Variants in GUCY1A2 observed in about 807,000 individuals in gnomAD.
GUCY1A2 encodes the protein guanylate cyclase 1 soluble subunit alpha 2.
GUCY1A2 carries 27 observed loss-of-function variants against 63.5 expected under a neutral mutation model. The ratio of observed to expected loss-of-function variants is 0.43; its 90% CI spans 0.31 to 0.59. The LOEUF is 0.59. GUCY1A2 is among the 20% of genes least tolerant of loss of function. The probability of loss-of-function intolerance (pLI) is 0.11; values close to 1 mark genes in which losing one functional copy is unlikely to be tolerated. For synonymous variants in GUCY1A2, 364 were observed against 343.5 expected (o/e 1.06, Z -0.66); for missense variants, 768 against 913.3 (o/e 0.84, Z 2.05).
Position 106,760,892 on chromosome 11 carries a change from T to A in GUCY1A2, c.1836+15547A>T, listed in dbSNP as rs532647280. Among the ~76,000 whole-genome samples the A allele has an allele frequency of 6.6e-5, 10 of 152,188 alleles. 1 individual carries two copies. Among genetic ancestry groups the A allele is most frequent in the African/African-American group, 2.4e-4 (10 of 41,554 alleles). On this transcript the variant is annotated intron_variant, in intron 6 of 7. Coordinates refer to ENST00000526355, the MANE Select transcript of GUCY1A2 (RefSeq NM_000855.3). The stretch of plus-strand genomic sequence containing the variant: ...AGGAAGACAGGAACTGAGGAAAGAA[T>A]TAATAGTTTTAAAAGATTAAAAAGG...
intron 3 of GUCY1A2, among the ~76,000 whole-genome samples, chr11:106,966,516 T>C (rs1168656781): frequency 6.6e-6 from 1 of 152,218 alleles, no homozygotes; most frequent in African/African-American, 2.4e-5. Flanking sequence ...TTCTCCCTGA[T>C]GATCACCAGT....
At chr11:106,797,116 T>G (rs1240685083) in intron 5 of GUCY1A2, among the ~76,000 whole-genome samples, 1 of 152,194 alleles carries the variant, frequency 6.6e-6, no homozygotes, top group Non-Finnish European at 1.5e-5. Flanking sequence ...GCCATGGTTT[T>G]CTGCTCCATC....
In GUCY1A2 at chr11:106,859,915, T is replaced by TA. The variant is rs1859486207; in HGVS notation, c.1207-49438_1207-49437insT. On this transcript the variant is annotated intron_variant, in intron 4 of 7. Transcript: ENST00000526355. The stretch of plus-strand genomic sequence containing the variant: ...TTTGTGTAAGTATACTCTATGATAC[T>TA]TGCACAATGATGAAATCACCTAAAA... 1.3e-4 allele frequency among the ~76,000 whole-genome samples: 20 copies of TA among 152,062 alleles called. No individual in the cohort carries two copies. In the South Asian group the frequency reaches 4.1e-3, roughly 31 times the overall value.
chr11:106,817,193 G>A (rs919440171), intron 4 of GUCY1A2, among the ~76,000 whole-genome samples: 1 of 152,060 alleles, frequency 6.6e-6, no homozygotes, highest in African/African-American at 2.4e-5. Flanking sequence ...TGAAGCATAT[G>A]AAATGACAGT....
chr11:106,677,982 G>A lies in GUCY1A2; in HGVS notation c.*9567C>T, dbSNP rs1862373693. ...AAAGCAATGAGCACCTATTATTTCA[G>A]GTCATTGAGTTATATAACAAATAAA... is the stretch of plus-strand genomic sequence containing the variant. On this transcript the variant is annotated 3_prime_UTR_variant, in exon 8 of 8. Transcript: ENST00000526355. The A allele has an allele frequency of 4.9e-6, 1 of 202,492 alleles. No homozygotes were observed. The highest frequency in any genetic ancestry group is 1.0e-5 in the Non-Finnish European group (1 of 98,458). The allele number at this position is 202,492 out of a possible 1,614,324, so 12.5% of individuals were successfully genotyped here. A position where few individuals can be genotyped will look rare whatever the true frequency, so the allele number is the denominator to read the frequency against.
intron 1 of GUCY1A2, among the ~76,000 whole-genome samples, chr11:107,010,798 T>A (rs557478559): frequency 6.6e-6 from 1 of 152,262 alleles, no homozygotes; most frequent in South Asian, 2.1e-4. Flanking sequence ...TGGCATGATC[T>A]CGGCTCACTG....
chr11:106,999,764 A>G (rs1861589073), intron 1 of GUCY1A2, among the ~76,000 whole-genome samples: 1 of 152,182 alleles, frequency 6.6e-6, no homozygotes, highest in African/African-American at 2.4e-5. Context: ...TTCTATCACT[A>G]TAGTTGCCAT....
At chr11:106,722,551 A>T (rs1296210602) in intron 6 of GUCY1A2, among the ~76,000 whole-genome samples, 1 of 152,088 alleles carries the variant, frequency 6.6e-6, no homozygotes, top group Non-Finnish European at 1.5e-5. Flanking sequence ...TGAACCAGTA[A>T]ATCTATGGAC....
intron 4 of GUCY1A2, among the ~76,000 whole-genome samples, chr11:106,909,719 T>C (rs773517186): frequency 7.9e-5 from 12 of 152,008 alleles, no homozygotes; most frequent in Non-Finnish European, 1.6e-4. Flanking sequence ...TAGTATTCCA[T>C]CTGGATGTAA....
chr11:106,689,466 T>C (rs932122329), intron 7 of GUCY1A2, among the ~76,000 whole-genome samples: 1 of 152,176 alleles, frequency 6.6e-6, no homozygotes, highest in Non-Finnish European at 1.5e-5. Flanking sequence ...GTATAAACTA[T>C]GCATCCAACA....
intron 1 of GUCY1A2, among the ~76,000 whole-genome samples, chr11:107,014,749 G>T (rs1861796842): frequency 1.3e-5 from 2 of 152,122 alleles, no homozygotes; most frequent in Admixed American, 1.3e-4. Flanking sequence ...ACTGAGACAT[G>T]CCACGATGAG....
intron 6 of GUCY1A2, among the ~76,000 whole-genome samples, chr11:106,724,067 A>G (rs1429001242): frequency 6.6e-6 from 1 of 152,230 alleles, no homozygotes; most frequent in Non-Finnish European, 1.5e-5. Context: ...CCATATGAAT[A>G]AACAGAACAA....
chr11:106,906,641 G>A (rs983085598), intron 4 of GUCY1A2, among the ~76,000 whole-genome samples: 1 of 152,126 alleles, frequency 6.6e-6, no homozygotes, highest in East Asian at 1.9e-4. Flanking sequence ...GCACACATAT[G>A]TTTATTGCGG....
intron 4 of GUCY1A2, among the ~76,000 whole-genome samples, chr11:106,907,761 T>C (rs1848984249): frequency 6.6e-6 from 1 of 152,138 alleles, no homozygotes. Context: ...CTGCATAGTA[T>C]TCCATGGTGT....
chr11:106,803,595 A>G (rs987554999), intron 5 of GUCY1A2, among the ~76,000 whole-genome samples: 10 of 152,174 alleles, frequency 6.6e-5, no homozygotes, highest in Admixed American at 6.6e-4. Flanking sequence ...TTGGAAAGTA[A>G]TAATAGCTAA....
At chr11:106,829,665 G>T (rs1033617375) in intron 4 of GUCY1A2, among the ~76,000 whole-genome samples, 2 of 152,176 alleles carry the variant, frequency 1.3e-5, no homozygotes, top group African/African-American at 2.4e-5. Context: ...TAGAAGGTAA[G>T]TTAGGGAGGC....
chr11:106,687,563 C>T lies in GUCY1A2; in HGVS notation c.2185G>A (p.Glu729Lys), dbSNP rs1591229998. 6.2e-7 allele frequency: 1 copy of T among 1,613,532 alleles called. No individual in the cohort carries two copies. Among genetic ancestry groups the T allele is most frequent in the East Asian group, 2.2e-5 (1 of 44,856 alleles). The change falls in exon 8 of 8, where the codon GAG becomes AAG. Residue 729 changes from glutamate (E) to lysine (K), a missense_variant. Physicochemically the swap from Glu to Lys is moderately conservative, Grantham distance 56 (BLOSUM62 1). Coordinates refer to ENST00000526355, the MANE Select transcript of GUCY1A2 (RefSeq NM_000855.3). ...SYNIGTMFLR[E>K]TSL Reference sequence around the variant, plus strand: ...TGTAGCAGGTCTCAGAGGCTTGTCTCCCGGAGGAACATGGTGCCGATGTTG... The same window carrying T: ...TGTAGCAGGTCTCAGAGGCTTGTCTTCCGGAGGAACATGGTGCCGATGTTG...
intron 4 of GUCY1A2, among the ~76,000 whole-genome samples, chr11:106,919,143 A>C (rs1285382997): frequency 6.6e-6 from 1 of 152,174 alleles, no homozygotes; most frequent in African/African-American, 2.4e-5. Flanking sequence ...ACAAAAAACA[A>C]GCGTGATTAT....
In GUCY1A2 at chr11:106,684,857, T is replaced by A. The variant is rs566215133; in HGVS notation, c.*2692A>T. 4.8e-6 allele frequency: 1 copy of A among 207,968 alleles called. No individual in the cohort carries two copies. The highest frequency in any genetic ancestry group is 1.9e-4 in the South Asian group (1 of 5,312). The allele number at this position is 207,968 out of a possible 1,614,324, so 12.9% of individuals were successfully genotyped here. On this transcript the variant is annotated 3_prime_UTR_variant, in exon 8 of 8. Transcript: ENST00000526355. ...AGTGAGAATACTGTATAGATAAAAGTCATATGAAATAACAAATGCCACCAC... is the reference window on the plus strand; with the variant it reads ...AGTGAGAATACTGTATAGATAAAAGACATATGAAATAACAAATGCCACCAC...
Sources: gnomAD v4.1 joint callset for allele counts (sites outside exome capture counted in the v4.1 genomes callset) on GRCh38, gnomAD v4.1.1 for gene constraint, MANE v1.5 for transcripts, NCBI Gene and HGNC (gene_info 2026-07-23, HGNC 2026-07-21) for gene names.